STIM2: variants seen among roughly 807,000 people sequenced by gnomAD.
The protein encoded by STIM2 is stromal interaction molecule 2.
In STIM2, 31 loss-of-function variants were observed where a neutral mutation model predicts 85.8. That is an observed-to-expected ratio of 0.36 (90% CI 0.27 to 0.49). The LOEUF (loss-of-function observed/expected upper bound fraction) is 0.49. STIM2 is among the 20% of genes least tolerant of loss of function. The probability of loss-of-function intolerance (pLI) is 0.98; values close to 1 mark genes in which losing one functional copy is unlikely to be tolerated. For synonymous variants in STIM2, 356 were observed against 331.1 expected (o/e 1.08, Z -0.82); for missense variants, 841 against 927.6 (o/e 0.91, Z 1.21).
chr4:26,863,932 T>G (rs2109421447), intron 1 of STIM2, among the ~76,000 whole-genome samples: 1 of 152,148 alleles, frequency 6.6e-6, no homozygotes, highest in Non-Finnish European at 1.5e-5. Flanking sequence ...TCCCTAAGAG[T>G]TAGCCTTTGA....
intron 1 of STIM2, among the ~76,000 whole-genome samples, chr4:26,897,254 T>TGA (rs533209528): frequency 5.3e-5 from 8 of 152,318 alleles, no homozygotes; most frequent in Non-Finnish European, 7.4e-5. Context: ...CAGCAAAGTA[T>TGA]GAGAGAGAGA....
chr4:26,900,068 G>T (rs181354588), intron 1 of STIM2, among the ~76,000 whole-genome samples: 1 of 152,246 alleles, frequency 6.6e-6, no homozygotes, highest in Admixed American at 6.5e-5. Context: ...TGAAATTAGG[G>T]AATGTAGGCA....
At chr4:26,920,989 C>G (rs777244088) in intron 2 of STIM2, among the ~76,000 whole-genome samples, 14 of 152,128 alleles carry the variant, frequency 9.2e-5, no homozygotes, top group Non-Finnish European at 1.5e-4. Context: ...TCCTAAACCC[C>G]AGCACCTCAG....
chr4:26,920,912 T>C (rs1724771039), intron 2 of STIM2, among the ~76,000 whole-genome samples: 1 of 152,208 alleles, frequency 6.6e-6, no homozygotes, highest in Non-Finnish European at 1.5e-5. Context: ...AAAGTAGATG[T>C]TGGCAGACTT....
At chr4:26,911,578 T>G (rs1047557324) in intron 1 of STIM2, among the ~76,000 whole-genome samples, 1 of 152,224 alleles carries the variant, frequency 6.6e-6, no homozygotes, top group Non-Finnish European at 1.5e-5. Context: ...CCTTTAATTG[T>G]TGAACTTTTG....
At chr4:26,862,939 G>A (rs191229578) in intron 1 of STIM2, among the ~76,000 whole-genome samples, 3 of 152,294 alleles carry the variant, frequency 2.0e-5, no homozygotes, top group Admixed American at 6.5e-5. Context: ...CTTCTAGAAG[G>A]TATAAGTGGT....
intron 1 of STIM2, among the ~76,000 whole-genome samples, chr4:26,880,096 G>T (rs1333021876): frequency 4.6e-5 from 7 of 152,136 alleles, no homozygotes; most frequent in South Asian, 2.1e-4. Flanking sequence ...AACCTTTTAT[G>T]CTGGCCTGCA....
intron 3 of STIM2, among the ~76,000 whole-genome samples, chr4:26,989,823 T>A (rs1319498562): frequency 1.3e-5 from 2 of 152,024 alleles, no homozygotes; most frequent in African/African-American, 4.8e-5. Context: ...TTAGCAGAGA[T>A]CACTCTGAAA....
intron 1 of STIM2, chr4:26,873,986 C>T (rs1722725238): frequency 4.3e-6 from 4 of 939,854 alleles, no homozygotes; most frequent in Non-Finnish European, 6.9e-6. Flanking sequence ...CTTCTGTGCC[C>T]CTCTCTTTCT....
intron 10 of STIM2, among the ~76,000 whole-genome samples, chr4:27,016,839 G>A (rs563904351): frequency 1.3e-5 from 2 of 152,346 alleles, no homozygotes; most frequent in South Asian, 2.1e-4. Flanking sequence ...AGTGACTAGT[G>A]AAGTGGAGGT....
At chr4:26,906,331 C>T (rs1160813724) in intron 1 of STIM2, among the ~76,000 whole-genome samples, 1 of 151,994 alleles carries the variant, frequency 6.6e-6, no homozygotes, top group Non-Finnish European at 1.5e-5. Flanking sequence ...GGTGCTTTGC[C>T]TATTACCTGG....
At chr4:26,901,626 C>G (rs540500868) in intron 1 of STIM2, among the ~76,000 whole-genome samples, 1 of 152,084 alleles carries the variant, frequency 6.6e-6, no homozygotes, top group Admixed American at 6.6e-5. Context: ...TTTTCTAGAA[C>G]TATTTATTAT....
intron 1 of STIM2, among the ~76,000 whole-genome samples, chr4:26,892,173 G>T (rs1394951338): frequency 6.6e-6 from 1 of 152,190 alleles, no homozygotes; most frequent in Non-Finnish European, 1.5e-5. Context: ...AAATTGCCCA[G>T]TCTTGGGTAT....
At chr4:26,997,297 A>T (rs1055417958) in intron 4 of STIM2, among the ~76,000 whole-genome samples, 2 of 152,178 alleles carry the variant, frequency 1.3e-5, no homozygotes, top group Non-Finnish European at 2.9e-5. Flanking sequence ...GTCCATTATG[A>T]TGTTTCTTTT....
intron 2 of STIM2, among the ~76,000 whole-genome samples, chr4:26,932,800 C>T (rs1725251461): frequency 6.6e-6 from 1 of 152,170 alleles, no homozygotes; most frequent in Non-Finnish European, 1.5e-5. Context: ...GCTGAAGAAA[C>T]TAACTTCGGT....
chr4:26,887,223 C>T (rs1332693075), intron 1 of STIM2, among the ~76,000 whole-genome samples: 2 of 135,192 alleles, frequency 1.5e-5, no homozygotes, highest in Admixed American at 8.0e-5. Flanking sequence ...TTGCCTTGTC[C>T]GTGATCCCTT....
In STIM2 at chr4:26,861,153, C is replaced by T; in HGVS notation, c.-66C>T. The T allele has an allele frequency of 1.5e-6, 2 of 1,325,840 alleles. No individual in the cohort carries two copies. Among genetic ancestry groups the T allele is most frequent in the South Asian group, 4.0e-5 (2 of 49,674 alleles). 82.1% of individuals were successfully genotyped at this position (1,325,840 alleles called of 1,614,324 possible). ...CTTTCACCCGGCTTCTCCTCGGCGC[C>T]TTCATCCCGCCTCGACTCCTGGCCC... On this transcript the variant is annotated 5_prime_UTR_variant, in exon 1 of 12. Transcript: ENST00000467087.
intron 2 of STIM2, among the ~76,000 whole-genome samples, chr4:26,950,179 G>A (rs2109087944): frequency 6.6e-6 from 1 of 152,226 alleles, no homozygotes; most frequent in South Asian, 2.1e-4. Flanking sequence ...ACCAGTGACA[G>A]CTATTTCATG....
intron 2 of STIM2, among the ~76,000 whole-genome samples, chr4:26,942,218 ACTGT>A (rs1036654727): frequency 6.6e-6 from 1 of 151,978 alleles, no homozygotes; most frequent in Non-Finnish European, 1.5e-5. Context: ...CTGTGGATTC[ACTGT>A]CTGTGTTCTT....
Sources: gnomAD v4.1 joint callset for allele counts (sites outside exome capture counted in the v4.1 genomes callset) on GRCh38, gnomAD v4.1.1 for gene constraint, MANE v1.5 for transcripts, NCBI Gene and HGNC (gene_info 2026-07-23, HGNC 2026-07-21) for gene names.